The following OR8D4 variants were observed in gnomAD, a reference collection of about 807,000 sequenced individuals.
The protein encoded by OR8D4 is olfactory receptor 8D4.
For synonymous variants in OR8D4, 141 were observed against 134.8 expected, an observed-to-expected ratio of 1.05 and a Z score of -0.32; for missense variants, 359 against 372.6, an observed-to-expected ratio of 0.96 and a Z score of 0.30.
rs779224149 is a variant in OR8D4, at chr11:123,907,152, T to C, written c.721T>C (p.Cys241Arg). 1.2e-6 allele frequency: 2 copies of C among 1,613,866 alleles called. No homozygotes were observed. Among genetic ancestry groups the C allele is most frequent in the East Asian group, 2.2e-5 (1 of 44,842 alleles). Residue 241 changes from cysteine (C) to arginine (R), a missense_variant, in exon 2 of 2, where the codon TGT (cysteine) becomes CGT (arginine). Physicochemically the swap from Cys to Arg is radical, Grantham distance 180. Transcript: ENST00000641687. Reference protein sequence around the residue: ...KKGRCKAFSTCSSHLTAVLMF... With the variant: ...KKGRCKAFSTRSSHLTAVLMF... ...GGGCAGGTGCAAAGCGTTTAGCACC[T>C]GTAGCTCCCACCTGACAGCTGTTCT... is the stretch of plus-strand genomic sequence containing the variant.
Position 123,907,047 on chromosome 11 carries a change from A to G in OR8D4, c.616A>G (p.Asn206Asp), listed in dbSNP as rs61744420. ...TTTGATTTTTGTCATTGGTGGATTT[A>G]ACATGGTGGCCACAAGCCTAACAAT... ...ELLIFVIGGF[N>D]MVATSLTIII... Residue 206 changes from asparagine to aspartate, a missense_variant, in exon 2 of 2, where the codon AAC (asparagine) becomes GAC (aspartate). Transcript: ENST00000641687. 1 of 1,614,084 alleles carries G rather than the reference A, an allele frequency of 6.2e-7. No individual in the cohort carries two copies. Among genetic ancestry groups the G allele is most frequent in the Admixed American group, 1.7e-5 (1 of 60,018 alleles).
Position 123,906,519 on chromosome 11 carries a change from CTCT to C in OR8D4, c.93_95del (p.Phe31del). 6.2e-7 allele frequency: 1 copy of C among 1,613,860 alleles called. No homozygotes were observed. The highest frequency in any genetic ancestry group is 8.5e-7 in the Non-Finnish European group (1 of 1,179,820). On this transcript the variant is annotated inframe_deletion, in exon 2 of 2. Transcript: ENST00000641687. ...AGAGCTTCAGCTGCCCCTCTTCTGC[CTCT>C]TCTTAGGAATTTACACAGTTACTGT... is the stretch of plus-strand genomic sequence containing the variant.
At chr11:123,905,824 G>A (rs1863194250) in intron 1 of OR8D4, among the ~76,000 whole-genome samples, 1 of 152,100 alleles carries the variant, frequency 6.6e-6, no homozygotes, top group South Asian at 2.1e-4. Context: ...TCATGGCCCA[G>A]GACACACAGC....
At position 123,906,404 on chromosome 11, in the gene OR8D4, C is replaced by T; in HGVS notation, c.-15-13C>T. The T allele has an allele frequency of 1.4e-6, 2 of 1,434,672 alleles. No individual in the cohort carries two copies. The highest frequency in any genetic ancestry group is 1.9e-6 in the Non-Finnish European group (2 of 1,051,132). 88.9% of individuals were successfully genotyped at this position (1,434,672 alleles called of 1,614,324 possible). A position where few individuals can be genotyped will look rare whatever the true frequency, so the allele number is the denominator to read the frequency against. On this transcript the variant is annotated splice_polypyrimidine_tract_variant and intron_variant, in intron 1 of 1. Coordinates refer to ENST00000641687, the MANE Select transcript of OR8D4 (RefSeq NM_001005197.2). ...ACTGATAGAATTTGACTTTTTCTCT[C>T]TCATCTCCACAGATTTCTCAGAGAA...
rs1391223487 is a variant in OR8D4, at chr11:123,906,556, A to T, written c.125A>T (p.Asn42Ile). 1 of 1,613,702 alleles carries T rather than the reference A, an allele frequency of 6.2e-7. No homozygotes were observed. The highest frequency in any genetic ancestry group is 2.2e-5 in the East Asian group (1 of 44,846). The change falls in exon 2 of 2, where the codon AAC (asparagine) becomes ATC (isoleucine). Residue 42 changes from asparagine (N) to isoleucine (I), a missense_variant. Transcript: ENST00000641687. ...LGIYTVTVVG[N>I]LSMISIIRLN... Reference sequence around the variant, plus strand: ...ATTTACACAGTTACTGTGGTGGGAAACCTCAGCATGATCTCAATTATTAGG... The same window carrying T: ...ATTTACACAGTTACTGTGGTGGGAATCCTCAGCATGATCTCAATTATTAGG...
intron 1 of OR8D4, among the ~76,000 whole-genome samples, chr11:123,902,471 CT>C (rs1863168131): frequency 6.6e-6 from 1 of 152,084 alleles, no homozygotes; most frequent in Non-Finnish European, 1.5e-5. Context: ...ATGAATTAAT[CT>C]GTGAAATCAC....
intron 1 of OR8D4, among the ~76,000 whole-genome samples, chr11:123,905,123 C>T (rs1403564839): frequency 1.3e-5 from 2 of 152,076 alleles, no homozygotes; most frequent in East Asian, 1.9e-4. Context: ...ATGGCCTTGG[C>T]GAGAGATGTA....
At chr11:123,904,756 C>T (rs1014648021) in intron 1 of OR8D4, among the ~76,000 whole-genome samples, 1 of 152,140 alleles carries the variant, frequency 6.6e-6, no homozygotes, top group Non-Finnish European at 1.5e-5. Flanking sequence ...TAAGGAGTCA[C>T]CTGCATCCTG....
In OR8D4 at chr11:123,907,596, A is replaced by C. The variant is rs1379153251; in HGVS notation, c.*220A>C. 4.4e-6 allele frequency: 1 copy of C among 226,300 alleles called. No individual in the cohort carries two copies. The highest frequency in any genetic ancestry group is 8.6e-6 in the Non-Finnish European group (1 of 116,130). 14.0% of individuals were successfully genotyped at this position (226,300 alleles called of 1,614,324 possible). A position where few individuals can be genotyped will look rare whatever the true frequency, so the allele number is the denominator to read the frequency against. The stretch of plus-strand genomic sequence containing the variant: ...CCCATCACTATTAAAATTACAAAAA[A>C]ATTAGCAGGGCATGGTGGTGGGCAC... On this transcript the variant is annotated 3_prime_UTR_variant, in exon 2 of 2. Coordinates refer to ENST00000641687, the MANE Select transcript of OR8D4 (RefSeq NM_001005197.2).
At position 123,907,956 on chromosome 11, in the gene OR8D4, A is replaced by G. The variant is rs181506570; in HGVS notation, c.*580A>G. 3.9e-5 allele frequency: 6 copies of G among 152,236 alleles called. No homozygotes were observed. Among genetic ancestry groups the G allele is most frequent in the Admixed American group, 2.6e-4 (4 of 15,280 alleles). 9.4% of individuals were successfully genotyped at this position (152,236 alleles called of 1,614,324 possible). A position where few individuals can be genotyped will look rare whatever the true frequency, so the allele number is the denominator to read the frequency against. ...CTTTAGTTTCCTGAATCCAAGCCCA[A>G]AAGGAAATCATCATCATGGTGTACT... On this transcript the variant is annotated 3_prime_UTR_variant, in exon 2 of 2. Transcript: ENST00000641687.
chr11:123,904,104 G>A (rs980181849), intron 1 of OR8D4, among the ~76,000 whole-genome samples: 12 of 152,114 alleles, frequency 7.9e-5, no homozygotes, highest in Admixed American at 5.9e-4. Flanking sequence ...GCAGGTGTGA[G>A]GTAGGGCCTG....
In OR8D4 at chr11:123,907,236, A is replaced by G. The variant is rs765799707; in HGVS notation, c.805A>G (p.Thr269Ala). The change falls in exon 2 of 2, where the codon ACC becomes GCC. Residue 269 changes from threonine to alanine, a missense_variant. Physicochemically the swap from Thr to Ala is moderately conservative, Grantham distance 58. Coordinates refer to ENST00000641687, the MANE Select transcript of OR8D4 (RefSeq NM_001005197.2). ...CAAACCTGCTTCTAGCAGTTCACTCACCCAGGAGAAAGTATCCTCAGTATT... is the reference window on the plus strand; with the variant it reads ...CAAACCTGCTTCTAGCAGTTCACTCGCCCAGGAGAAAGTATCCTCAGTATT... ...YLKPASSSSLTQEKVSSVFYT... is the reference protein window; with the variant it reads ...YLKPASSSSLAQEKVSSVFYT... 7 of 1,613,258 alleles carry G rather than the reference A, an allele frequency of 4.3e-6. No homozygotes were observed. The East Asian group carries it at 1.6e-4, about 36-fold the overall frequency.
In OR8D4 at chr11:123,908,996, A is replaced by G. The variant is rs1863228529; in HGVS notation, c.*1620A>G. 1 of 152,182 alleles carries G rather than the reference A, an allele frequency of 6.6e-6. No individual in the cohort carries two copies. The highest frequency in any genetic ancestry group is 6.5e-5 in the Admixed American group (1 of 15,278). The allele number at this position is 152,182 out of a possible 1,614,324, so 9.4% of individuals were successfully genotyped here. ...AATGTTTCAAAAGCAGAGCGATGTA[A>G]TCTGTTTTACATTTGAAAAATATCT... On this transcript the variant is annotated 3_prime_UTR_variant, in exon 2 of 2. Transcript: ENST00000641687.
intron 1 of OR8D4, among the ~76,000 whole-genome samples, chr11:123,905,427 A>G (rs1863191887): frequency 6.6e-6 from 1 of 152,228 alleles, no homozygotes; most frequent in South Asian, 2.1e-4. Flanking sequence ...GGACTGAGGC[A>G]TCCTCCAGTT....
In OR8D4 at chr11:123,907,552, C is replaced by T. The variant is rs1591438737; in HGVS notation, c.*176C>T. Reference sequence around the variant, plus strand: ...ACGAGGTCCGGTGTTCAAGACCAGCCTGGCCAAGATGATGAAACCCCATCA... The same window carrying T: ...ACGAGGTCCGGTGTTCAAGACCAGCTTGGCCAAGATGATGAAACCCCATCA... On this transcript the variant is annotated 3_prime_UTR_variant, in exon 2 of 2. Coordinates refer to ENST00000641687, the MANE Select transcript of OR8D4 (RefSeq NM_001005197.2). The T allele has an allele frequency of 2.8e-6, 1 of 363,132 alleles. No homozygotes were observed. The highest frequency in any genetic ancestry group is 4.5e-5 in the East Asian group (1 of 22,088). 22.5% of individuals were successfully genotyped at this position (363,132 alleles called of 1,614,324 possible). A position where few individuals can be genotyped will look rare whatever the true frequency, so the allele number is the denominator to read the frequency against.
Position 123,907,877 on chromosome 11 carries a change from A to T in OR8D4, c.*501A>T, listed in dbSNP as rs1863219586. ...ACATATATGAAAGTGAAAAGTAAAA[A>T]ATATTTTAAATTTAAAGTTAATACC... On this transcript the variant is annotated 3_prime_UTR_variant, in exon 2 of 2. Transcript: ENST00000641687. 6.6e-6 allele frequency: 1 copy of T among 152,060 alleles called. No individual in the cohort carries two copies. Among genetic ancestry groups the T allele is most frequent in the Non-Finnish European group, 1.5e-5 (1 of 68,020 alleles). The allele number at this position is 152,060 out of a possible 1,614,324, so 9.4% of individuals were successfully genotyped here. A position where few individuals can be genotyped will look rare whatever the true frequency, so the allele number is the denominator to read the frequency against.
In OR8D4 at chr11:123,907,035, A is replaced by T. The variant is rs1863208475; in HGVS notation, c.604A>T (p.Ile202Phe). ...TATTGATGAGCTTTTGATTTTTGTC[A>T]TTGGTGGATTTAACATGGTGGCCAC... ...TYIDELLIFV[I>F]GGFNMVATSL... The change falls in exon 2 of 2, where the codon ATT becomes TTT. Residue 202 changes from isoleucine to phenylalanine, a missense_variant. By Grantham distance (21) the Ile-to-Phe change is conservative. Transcript: ENST00000641687. The T allele has an allele frequency of 6.2e-7, 1 of 1,613,968 alleles. No individual in the cohort carries two copies. The highest frequency in any genetic ancestry group is 2.2e-5 in the East Asian group (1 of 44,874).
chr11:123,902,684 C>A (rs1863170015), intron 1 of OR8D4, among the ~76,000 whole-genome samples: 1 of 152,060 alleles, frequency 6.6e-6, no homozygotes, highest in African/African-American at 2.4e-5. Flanking sequence ...GATACTGCAT[C>A]TTATAACTCA....
In OR8D4 at chr11:123,906,530, A is replaced by G. The variant is rs1591438223; in HGVS notation, c.99A>G (p.Gly33=). 6.2e-7 allele frequency: 1 copy of G among 1,613,856 alleles called. No individual in the cohort carries two copies. The highest frequency in any genetic ancestry group is 2.2e-5 in the East Asian group (1 of 44,836). The change falls in exon 2 of 2, where the codon GGA becomes GGG. Residue 33 remains glycine, a synonymous_variant. Coordinates refer to ENST00000641687, the MANE Select transcript of OR8D4 (RefSeq NM_001005197.2). ...LQLPLFCLFL[G]IYTVTVVGNL... ...TGCCCCTCTTCTGCCTCTTCTTAGG[A>G]ATTTACACAGTTACTGTGGTGGGAA...
Sources: gnomAD v4.1 joint callset for allele counts (sites outside exome capture counted in the v4.1 genomes callset) on GRCh38, gnomAD v4.1.1 for gene constraint, MANE v1.5 for transcripts, NCBI Gene and HGNC (gene_info 2026-07-23, HGNC 2026-07-21) for gene names.